Variants in PTPRD observed in about 807,000 individuals in gnomAD.
PTPRD encodes the protein receptor-type tyrosine-protein phosphatase delta.
PTPRD carries 34 observed loss-of-function variants against 214.5 expected under a neutral mutation model. The ratio of observed to expected loss-of-function variants is 0.16; its 90% confidence interval spans 0.12 to 0.21. PTPRD has a LOEUF of 0.21. Ranked by LOEUF, PTPRD falls within the 10% of genes least tolerant of loss-of-function variation. The pLI, the probability that PTPRD is intolerant of heterozygous loss-of-function variation, is 1.00. For missense variants in PTPRD, 2,545 were observed against 2,398.7 expected (o/e 1.06, Z -1.27); for synonymous variants, 1,128 against 845.7 (o/e 1.33, Z -5.79).
chr9:8,487,245 T>G (rs899919791), intron 27 of PTPRD, among the ~76,000 whole-genome samples: 2 of 152,216 alleles, frequency 1.3e-5, no homozygotes, highest in African/African-American at 4.8e-5. Flanking sequence ...CTTCTTATGG[T>G]GAAAGGCTAG....
intron 14 of PTPRD, among the ~76,000 whole-genome samples, chr9:8,597,367 G>C (rs2094530048): frequency 6.6e-6 from 1 of 151,946 alleles, no homozygotes; most frequent in Non-Finnish European, 1.5e-5. Context: ...TACCAATTAT[G>C]TTTCAGTTCT....
intron 34 of PTPRD, among the ~76,000 whole-genome samples, chr9:8,439,122 T>A (rs1449164657): frequency 6.6e-6 from 1 of 152,098 alleles, no homozygotes; most frequent in East Asian, 1.9e-4. Flanking sequence ...CTAAGACAAG[T>A]AAAAATGGCA....
chr9:10,117,796 G>C (rs2098743235), intron 3 of PTPRD, among the ~76,000 whole-genome samples: 1 of 151,748 alleles, frequency 6.6e-6, no homozygotes, highest in Non-Finnish European at 1.5e-5. Flanking sequence ...AAAAAATCTT[G>C]AAATTTCTGA....
intron 2 of PTPRD, among the ~76,000 whole-genome samples, chr9:10,603,136 G>A (rs1464090657): frequency 6.6e-6 from 1 of 151,778 alleles, no homozygotes; most frequent in African/African-American, 2.4e-5. Context: ...AATCTTCCCA[G>A]GAAAAGGGAC....
intron 2 of PTPRD, among the ~76,000 whole-genome samples, chr9:10,548,566 C>G (rs1438297703): frequency 6.6e-6 from 1 of 152,146 alleles, no homozygotes; most frequent in East Asian, 1.9e-4. Context: ...AGCTTAGAGT[C>G]TCAGCGTAAG....
chr9:9,785,226 C>T (rs868335642), intron 5 of PTPRD, among the ~76,000 whole-genome samples: 3 of 151,782 alleles, frequency 2.0e-5, no homozygotes, highest in African/African-American at 7.3e-5. Context: ...ATTCAGGAAA[C>T]ACTACAGTAG....
chr9:9,110,627 C>A (rs1465811158), intron 10 of PTPRD, among the ~76,000 whole-genome samples: 2 of 152,102 alleles, frequency 1.3e-5, no homozygotes, highest in Non-Finnish European at 2.9e-5. Context: ...TTCTTACCCA[C>A]CCATCAAATA....
chr9:8,880,413 T>C (rs958467535), intron 11 of PTPRD, among the ~76,000 whole-genome samples: 3 of 152,204 alleles, frequency 2.0e-5, no homozygotes, highest in African/African-American at 7.2e-5. Context: ...ACCTTTTCTC[T>C]TTCTTTCACG....
At chr9:8,484,605 G>GATATATATATATATATATATAT (rs1392070274) in intron 29 of PTPRD, among the ~76,000 whole-genome samples, 68 of 121,502 alleles carry the variant, frequency 5.6e-4, no homozygotes, top group African/African-American at 2.4e-3. Context: ...AATACACAAA[G>GATATATATATATATATATATAT]ATAGATATAT....
intron 14 of PTPRD, among the ~76,000 whole-genome samples, chr9:8,609,024 C>G (rs2095345260): frequency 6.6e-6 from 1 of 152,142 alleles, no homozygotes; most frequent in Non-Finnish European, 1.5e-5. Context: ...TTCAGAGGAC[C>G]AGAGTCATCT....
At chr9:8,430,950 A>G (rs1436652771) in intron 35 of PTPRD, among the ~76,000 whole-genome samples, 2 of 152,150 alleles carry the variant, frequency 1.3e-5, no homozygotes, top group Non-Finnish European at 2.9e-5. Flanking sequence ...ACAACTACAA[A>G]CTCCAGAAGT....
At chr9:9,704,776 C>T (rs183150342) in intron 7 of PTPRD, among the ~76,000 whole-genome samples, 7 of 152,294 alleles carry the variant, frequency 4.6e-5, no homozygotes, top group African/African-American at 1.7e-4. Context: ...TGTGCCTAGG[C>T]TACTAGCCAT....
chr9:10,569,200 G>A (rs576056920), intron 2 of PTPRD, among the ~76,000 whole-genome samples: 11 of 152,100 alleles, frequency 7.2e-5, no homozygotes, highest in Non-Finnish European at 1.2e-4. Flanking sequence ...TCAGAGAAAT[G>A]CAAATCAAAA....
At chr9:8,954,527 T>A (rs1187742180) in intron 11 of PTPRD, among the ~76,000 whole-genome samples, 1 of 120,234 alleles carries the variant, frequency 8.3e-6, no homozygotes, top group Non-Finnish European at 2.0e-5. Flanking sequence ...AAGAAAGTGG[T>A]AAACATGGAA....
At chr9:9,210,653 C>T (rs1005580190) in intron 9 of PTPRD, among the ~76,000 whole-genome samples, 4 of 152,054 alleles carry the variant, frequency 2.6e-5, no homozygotes, top group African/African-American at 9.7e-5. Flanking sequence ...TTATTACTTT[C>T]ATACAAATGA....
chr9:10,490,481 T>C (rs574299662), intron 2 of PTPRD, among the ~76,000 whole-genome samples: 98 of 152,204 alleles, frequency 6.4e-4, no homozygotes, highest in Non-Finnish European at 1.3e-3. Context: ...GCCCTACTTT[T>C]ATAGATACCT....
chr9:8,405,694 C>T (rs561893232), intron 35 of PTPRD, among the ~76,000 whole-genome samples: 20 of 152,160 alleles, frequency 1.3e-4, no homozygotes, highest in East Asian at 1.2e-3. Context: ...TGATTTTAAA[C>T]GATCAAAATC....
intron 7 of PTPRD, among the ~76,000 whole-genome samples, chr9:9,617,957 T>A (rs1013177476): frequency 2.0e-5 from 3 of 150,072 alleles, no homozygotes; most frequent in East Asian, 2.0e-4. Flanking sequence ...CTGCGGTCCC[T>A]GCTACTCGGG....
chr9:9,021,484 G>A (rs1373147155), intron 10 of PTPRD, among the ~76,000 whole-genome samples: 1 of 151,988 alleles, frequency 6.6e-6, no homozygotes. Flanking sequence ...CTATGTTACT[G>A]GTTTATGTAT....
Sources: gnomAD v4.1 joint callset for allele counts (sites outside exome capture counted in the v4.1 genomes callset) on GRCh38, gnomAD v4.1.1 for gene constraint, MANE v1.5 for transcripts, NCBI Gene and HGNC (gene_info 2026-07-23, HGNC 2026-07-21) for gene names.